SOCS7: variants seen among roughly 807,000 people sequenced by gnomAD.
SOCS7 encodes the protein NAP-4.
A neutral mutation model predicts 58.9 loss-of-function variants in SOCS7; 18 were observed. The ratio of observed to expected loss-of-function variants is 0.31; its 90% CI spans 0.21 to 0.45. The LOEUF is 0.45. SOCS7 is among the 20% of genes least tolerant of loss of function. The pLI, the probability that SOCS7 is intolerant of heterozygous loss-of-function variation, is 1.00. For synonymous variants in SOCS7, 388 were observed against 364.3 expected (o/e 1.06, Z -0.74); for missense variants, 667 against 837.3 (o/e 0.80, Z 2.51).
chr17:38,365,471 A>ATCCTTCTATGG, intron 4 of SOCS7, 62 bp downstream of exon 4: 7 of 1,063,796 alleles, frequency 6.6e-6, no homozygotes, highest in Non-Finnish European at 9.5e-6. Flanking sequence ...ACTTTCTACC[A>ATCCTTCTATGG]TAGAAGGATG....
chr17:38,399,755 TC>T lies in SOCS7; in HGVS notation c.*274del, dbSNP rs1474121861. ...AACTGGAAGAAGTCTCAACACTGTT[TC>T]TTTTTCAGAAGTTTTGTTTTTGATA... On this transcript the variant is annotated 3_prime_UTR_variant, in exon 10 of 10. Coordinates refer to ENST00000612932, the MANE Select transcript of SOCS7 (RefSeq NM_014598.4). 2 of 152,818 alleles carry T rather than the reference TC, an allele frequency of 1.3e-5. No individual in the cohort carries two copies. Among genetic ancestry groups the T allele is most frequent in the Admixed American group, 1.3e-4 (2 of 15,304 alleles). 9.5% of individuals were successfully genotyped at this position (152,818 alleles called of 1,614,324 possible).
intron 7 of SOCS7, among the ~76,000 whole-genome samples, chr17:38,390,875 T>C (rs556603803): frequency 6.6e-6 from 1 of 152,086 alleles, no homozygotes; most frequent in Non-Finnish European, 1.5e-5. Flanking sequence ...TTTATATTTT[T>C]AGTAGAGATG....
At chr17:38,396,023 C>A in intron 9 of SOCS7, 25 bp downstream of exon 9, 1 of 1,539,334 alleles carries the variant, frequency 6.5e-7, no homozygotes. Flanking sequence ...CCTCACTGCC[C>A]AGCCACATTT....
chr17:38,360,433 T>A (rs1555567399), intron 1 of SOCS7, among the ~76,000 whole-genome samples: 1 of 152,146 alleles, frequency 6.6e-6, no homozygotes, highest in African/African-American at 2.4e-5. Flanking sequence ...CCTTGTGATC[T>A]GCCCACCTTG....
intron 6 of SOCS7, among the ~76,000 whole-genome samples, chr17:38,373,160 A>T (rs1351678193): frequency 6.6e-6 from 1 of 152,216 alleles, no homozygotes; most frequent in Non-Finnish European, 1.5e-5. Flanking sequence ...ATATGATTTA[A>T]TAAAAGTAAA....
chr17:38,361,564 A>G (rs1030657483), intron 1 of SOCS7, 147 bp from the exon 2 acceptor site: 3 of 709,752 alleles, frequency 4.2e-6, no homozygotes, highest in African/African-American at 3.5e-5. Flanking sequence ...CTCCCCCTTT[A>G]TTTTATGCTG....
Position 38,352,589 on chromosome 17 carries a change from G to A in SOCS7, c.537G>A (p.Leu179=). 1 of 1,550,012 alleles carries A rather than the reference G, an allele frequency of 6.5e-7. No individual in the cohort carries two copies. The highest frequency in any genetic ancestry group is 8.7e-7 in the Non-Finnish European group (1 of 1,146,818). Reference sequence around the variant, plus strand: ...CCACGGAAACGAGCGACGCGCTGCTGGTCCTGGAGGGCTTGGAATCGGAGG... The same window carrying A: ...CCACGGAAACGAGCGACGCGCTGCTAGTCCTGGAGGGCTTGGAATCGGAGG... ...EDPTETSDAL[L]VLEGLESEAE... The change falls in exon 1 of 10, where the codon CTG becomes CTA. Residue 179 remains leucine, a synonymous_variant. Transcript: ENST00000612932. The surrounding 1 kb of genome is among the most constrained non-coding windows in gnomAD (Gnocchi z 5.5).
At chr17:38,359,880 T>G (rs2037693144) in intron 1 of SOCS7, among the ~76,000 whole-genome samples, 1 of 151,298 alleles carries the variant, frequency 6.6e-6, no homozygotes, top group Non-Finnish European at 1.5e-5. Flanking sequence ...CAGGTTCAGG[T>G]GACCCTCCCA....
At chr17:38,357,925 T>G (rs1555567030) in intron 1 of SOCS7, among the ~76,000 whole-genome samples, 1 of 152,278 alleles carries the variant, frequency 6.6e-6, no homozygotes, top group Admixed American at 6.5e-5. Flanking sequence ...GTTGTTGTTC[T>G]GTCTAGTCTA....
At chr17:38,377,485 T>C (rs1334540273) in intron 6 of SOCS7, among the ~76,000 whole-genome samples, 1 of 152,190 alleles carries the variant, frequency 6.6e-6, no homozygotes, top group Non-Finnish European at 1.5e-5. Context: ...TTAGCTTGTA[T>C]TTACTTAACA....
chr17:38,367,738 G>A (rs1314216320), intron 5 of SOCS7, 144 bp from the exon 6 acceptor site: 2 of 653,172 alleles, frequency 3.1e-6, no homozygotes, highest in Admixed American at 3.0e-5. Flanking sequence ...ATTGCTAATG[G>A]TTGAGACACT....
chr17:38,371,842 A>G (rs1449093377), intron 6 of SOCS7, among the ~76,000 whole-genome samples: 1 of 98,512 alleles, frequency 1.0e-5, no homozygotes, highest in Non-Finnish European at 2.0e-5. Context: ...TTATTTTTTT[A>G]AGTCATAGGA....
At chr17:38,393,855 G>A (rs1301185108) in intron 7 of SOCS7, among the ~76,000 whole-genome samples, 11 of 152,066 alleles carry the variant, frequency 7.2e-5, no homozygotes, top group South Asian at 2.1e-4. Flanking sequence ...AGCCGAGATC[G>A]CGCCACTGCA....
chr17:38,403,174 T>C lies in SOCS7; in HGVS notation c.*3692T>C, dbSNP rs964672702. 4.6e-5 allele frequency: 7 copies of C among 152,106 alleles called. No homozygotes were observed. The highest frequency in any genetic ancestry group is 2.1e-4 in the South Asian group (1 of 4,786). 9.4% of individuals were successfully genotyped at this position (152,106 alleles called of 1,614,324 possible). Reference sequence around the variant, plus strand: ...GGAGAAAGGTGTGGCCAAAGGAAACTCCTGCATGGCTCCTGCTCCTTCCCC... The same window carrying C: ...GGAGAAAGGTGTGGCCAAAGGAAACCCCTGCATGGCTCCTGCTCCTTCCCC... On this transcript the variant is annotated 3_prime_UTR_variant, in exon 10 of 10. Coordinates refer to ENST00000612932, the MANE Select transcript of SOCS7 (RefSeq NM_014598.4).
intron 6 of SOCS7, among the ~76,000 whole-genome samples, chr17:38,372,023 G>A (rs757439243): frequency 3.9e-5 from 6 of 152,030 alleles, no homozygotes; most frequent in Non-Finnish European, 7.4e-5. Flanking sequence ...GTCTTTCCTC[G>A]ACTATTCCAT....
At chr17:38,395,465 T>G in intron 8 of SOCS7, 21 bp downstream of exon 8, 2 of 1,609,496 alleles carry the variant, frequency 1.2e-6, no homozygotes, top group Non-Finnish European at 1.7e-6. Context: ...GTTGTCAGGT[T>G]TGGGACAGGA....
In SOCS7 at chr17:38,402,098, T is replaced by G. The variant is rs1288649954; in HGVS notation, c.*2616T>G. On this transcript the variant is annotated 3_prime_UTR_variant, in exon 10 of 10. Coordinates refer to ENST00000612932, the MANE Select transcript of SOCS7 (RefSeq NM_014598.4). ...GTGACCCAACCTCACCACCCACCTT[T>G]CTCCTCCTGGGGAGTGTCGTGTTGA... 6.6e-6 allele frequency: 1 copy of G among 152,318 alleles called. No homozygotes were observed. The highest frequency in any genetic ancestry group is 1.5e-5 in the Non-Finnish European group (1 of 68,150). 9.4% of individuals were successfully genotyped at this position (152,318 alleles called of 1,614,324 possible).
chr17:38,399,228 G>C (rs1489424629), intron 9 of SOCS7, among the ~76,000 whole-genome samples: 2 of 152,166 alleles, frequency 1.3e-5, no homozygotes, highest in Non-Finnish European at 2.9e-5. Flanking sequence ...GAAATGAAGG[G>C]GTAAGGGAAA....
At chr17:38,362,584 G>A (rs971835866) in intron 2 of SOCS7, among the ~76,000 whole-genome samples, 5 of 152,184 alleles carry the variant, frequency 3.3e-5, no homozygotes, top group Admixed American at 2.0e-4. Context: ...AAAGGTGATT[G>A]GAAGACTTAC....
Sources: gnomAD v4.1 joint callset for allele counts (sites outside exome capture counted in the v4.1 genomes callset) on GRCh38, gnomAD v4.1.1 for gene constraint, Gnocchi (gnomAD v3.1) non-coding constraint, MANE v1.5 for transcripts, NCBI Gene and HGNC (gene_info 2026-07-23, HGNC 2026-07-21) for gene names.